NUP155: variants seen among roughly 807,000 people sequenced by gnomAD.
The protein encoded by NUP155 is nucleoporin 155, also known as nuclear pore complex protein Nup155.
A neutral mutation model predicts 180.4 loss-of-function variants in NUP155; 71 were observed. That is an observed-to-expected ratio of 0.39 (90% CI 0.33 to 0.48). The LOEUF (loss-of-function observed/expected upper bound fraction) is 0.48, where lower values mean the gene tolerates loss of function less well. Ranked by LOEUF, NUP155 falls within the 20% of genes least tolerant of loss-of-function variation. The probability of loss-of-function intolerance (pLI) is 0.91; values close to 1 mark genes in which losing one functional copy is unlikely to be tolerated. For synonymous variants in NUP155, 582 were observed against 559.5 expected (o/e 1.04, Z -0.57); for missense variants, 1,553 against 1,648.9 (o/e 0.94, Z 1.01).
Position 37,303,389 on chromosome 5 carries a change from T to C in NUP155, c.3188A>G (p.His1063Arg). ...LQVASPFLEP[H>R]LVRMAKVDQN... ...ATCAACTTTGGCCATTCGGACTAGA[T>C]GTGGCTCCAGAAATGGAGAAGCAAC... The change falls in exon 28 of 35, where the codon CAT becomes CGT. Residue 1063 changes from histidine (H) to arginine (R), a missense_variant. His to Arg is a conservative substitution (Grantham distance 29). Transcript: ENST00000231498. 1.2e-6 allele frequency: 2 copies of C among 1,614,160 alleles called. No homozygotes were observed. Among genetic ancestry groups the C allele is most frequent in the Non-Finnish European group, 1.7e-6 (2 of 1,180,000 alleles).
intron 17 of NUP155, 109 bp from the exon 18 acceptor site, chr5:37,327,885 A>G: frequency 8.0e-7 from 1 of 1,245,736 alleles, no homozygotes; most frequent in Non-Finnish European, 1.1e-6. Flanking sequence ...GAACCCATAA[A>G]ATTCAGAATT....
intron 17 of NUP155, 122 bp from the exon 18 acceptor site, chr5:37,327,898 C>T (rs1744707705): frequency 9.2e-7 from 1 of 1,087,368 alleles, no homozygotes; most frequent in Admixed American, 2.2e-5. Flanking sequence ...TCAGAATTCT[C>T]ATAACCCAAG....
intron 17 of NUP155, among the ~76,000 whole-genome samples, 190 bp downstream of exon 17, chr5:37,328,168 A>C (rs1035915366): frequency 6.6e-6 from 1 of 152,230 alleles, no homozygotes; most frequent in Non-Finnish European, 1.5e-5. Context: ...CAGGCTTATT[A>C]TAAGAGGAGT....
rs1469683685 is a variant in NUP155 at position 37,301,443 on chromosome 5, T to G, written c.3555A>C (p.Ile1185=). ...TCACTTGCTTTTTTATTACCTTAGT[T>G]ATGTCCATCAGCTCAGAATCCAGCT... is the stretch of plus-strand genomic sequence containing the variant. The part of the protein sequence containing the change: ...VSQLDSELMD[I]TKLYGEFADP... Residue 1185 remains isoleucine, a synonymous_variant, in exon 30 of 35, where the codon ATA becomes ATC. Transcript: ENST00000231498. The G allele has an allele frequency of 6.2e-7, 1 of 1,603,364 alleles. No homozygotes were observed. Among genetic ancestry groups the G allele is most frequent in the East Asian group, 2.2e-5 (1 of 44,798 alleles).
chr5:37,303,003 A>T (rs1742948526), intron 28 of NUP155, 95 bp from the exon 29 acceptor site: 1 of 1,348,334 alleles, frequency 7.4e-7, no homozygotes, highest in Admixed American at 1.8e-5. Flanking sequence ...TACCAAACAC[A>T]CATAAAAAGC....
chr5:37,361,126 A>G (rs551081541), intron 3 of NUP155, among the ~76,000 whole-genome samples: 9 of 151,668 alleles, frequency 5.9e-5, no homozygotes, highest in Non-Finnish European at 1.3e-4. Flanking sequence ...AAAATTAGCC[A>G]GGTGTGGTGG....
intron 3 of NUP155, among the ~76,000 whole-genome samples, chr5:37,363,187 T>C (rs752497248): frequency 2.1e-4 from 32 of 152,136 alleles, no homozygotes; most frequent in African/African-American, 1.9e-4. Context: ...GCTGGGATTA[T>C]AGGCGTTTGA....
rs187148614 is a variant in NUP155 at position 37,302,319 on chromosome 5, G to A, written c.3447+460C>T. ...GCAATCTCAGCTCACTGCAACCTCC[G>A]CTTCCTGGGTTCAAGCAATTCTCCT... is the stretch of plus-strand genomic sequence containing the variant. On this transcript the variant is annotated intron_variant, in intron 29 of 34. Coordinates refer to ENST00000231498, the MANE Select transcript of NUP155 (RefSeq NM_153485.3). Among the ~76,000 whole-genome samples the A allele has an allele frequency of 9.1e-3, 1,388 of 152,230 alleles. 23 individuals are homozygous for A. The highest frequency in any genetic ancestry group is 0.01 in the Non-Finnish European group (698 of 68,020).
chr5:37,336,816 C>T (rs1200407005), intron 12 of NUP155, among the ~76,000 whole-genome samples: 1 of 152,128 alleles, frequency 6.6e-6, no homozygotes, highest in Non-Finnish European at 1.5e-5. Flanking sequence ...TACTCCCATC[C>T]CTGGGAGTTC....
intron 21 of NUP155, among the ~76,000 whole-genome samples, chr5:37,317,556 A>G (rs1743974564): frequency 6.6e-6 from 1 of 152,190 alleles, no homozygotes; most frequent in South Asian, 2.1e-4. Flanking sequence ...ACCACAATAA[A>G]AAAAACATAA....
intron 10 of NUP155, among the ~76,000 whole-genome samples, chr5:37,341,518 C>T (rs1581185549): frequency 6.6e-6 from 1 of 152,152 alleles, no homozygotes; most frequent in African/African-American, 2.4e-5. Context: ...TGTGCCACCA[C>T]ACCCGTCTAA....
chr5:37,304,672 T>C, intron 27 of NUP155, 67 bp downstream of exon 27: 1 of 1,113,006 alleles, frequency 9.0e-7, no homozygotes. Context: ...CATCTATATA[T>C]GTGCTTAAAT....
In NUP155 at chr5:37,334,322, C is replaced by T. The variant is rs557231033; in HGVS notation, c.1348-689G>A. Among the ~76,000 whole-genome samples, 14 of 152,024 alleles carry T rather than the reference C, an allele frequency of 9.2e-5. No homozygotes were observed. The South Asian group carries it at 2.3e-3, about 25-fold the overall frequency. Reference sequence around the variant, plus strand: ...TTTACCATGTTGCCCAGGATGTTCTCGAACTCCTGGGCTCATGCAGTCTGC... The same window carrying T: ...TTTACCATGTTGCCCAGGATGTTCTTGAACTCCTGGGCTCATGCAGTCTGC... On this transcript the variant is annotated intron_variant, in intron 12 of 34. Coordinates refer to ENST00000231498, the MANE Select transcript of NUP155 (RefSeq NM_153485.3).
intron 4 of NUP155, 28 bp downstream of exon 4, chr5:37,358,053 A>G: frequency 6.7e-7 from 1 of 1,499,320 alleles, no homozygotes; most frequent in South Asian, 1.1e-5. Flanking sequence ...TACAAACATA[A>G]TCTCTTCCTT....
chr5:37,348,956 A>T (rs954899218), intron 8 of NUP155, among the ~76,000 whole-genome samples: 3 of 151,776 alleles, frequency 2.0e-5, no homozygotes, highest in Non-Finnish European at 4.4e-5. Flanking sequence ...GGGTTTCATC[A>T]TGTTGGCTAG....
chr5:37,363,937 C>G lies in NUP155; in HGVS notation c.343G>C (p.Ala115Pro). Residue 115 changes from alanine (A) to proline (P), a missense_variant, in exon 3 of 35, where the codon GCT becomes CCT. Transcript: ENST00000231498. ...MMGVFPPISR[A>P]WLTIDSDIFM... ...ATATCACTGTCAATTGTGAGCCAAGCTCTGCTGATAGGAGGGAACACACCC... is the reference window on the plus strand; with the variant it reads ...ATATCACTGTCAATTGTGAGCCAAGGTCTGCTGATAGGAGGGAACACACCC... 6.2e-7 allele frequency: 1 copy of G among 1,614,020 alleles called. No homozygotes were observed. Among genetic ancestry groups the G allele is most frequent in the Non-Finnish European group, 8.5e-7 (1 of 1,179,890 alleles).
chr5:37,330,933 A>C (rs1487522969), intron 14 of NUP155, among the ~76,000 whole-genome samples: 16 of 151,470 alleles, frequency 1.1e-4, no homozygotes, highest in Admixed American at 9.2e-4. Flanking sequence ...GTGGATCATG[A>C]GGTCAGGAGA....
At chr5:37,334,107 G>GTT (rs528866736) in intron 12 of NUP155, among the ~76,000 whole-genome samples, 2 of 142,840 alleles carry the variant, frequency 1.4e-5, no homozygotes, top group East Asian at 2.0e-4. Flanking sequence ...GGCCTCTGGG[G>GTT]TTTTTTTTTT....
Position 37,288,464 on chromosome 5 carries a change from C to T in NUP155, c.*3436G>A, listed in dbSNP as rs1379823926. The T allele has an allele frequency of 1.3e-5, 2 of 152,140 alleles. No homozygotes were observed. Among genetic ancestry groups the T allele is most frequent in the Non-Finnish European group, 2.9e-5 (2 of 68,036 alleles). The allele number at this position is 152,140 out of a possible 1,614,324, so 9.4% of individuals were successfully genotyped here. On this transcript the variant is annotated 3_prime_UTR_variant, in exon 35 of 35. Transcript: ENST00000231498. ...AGTTAGTCAAGATAGCTTTCTCTTT[C>T]CTAACCGTTTTGCCATACTACAATG...
Sources: gnomAD v4.1 joint callset for allele counts (sites outside exome capture counted in the v4.1 genomes callset) on GRCh38, gnomAD v4.1.1 for gene constraint, MANE v1.5 for transcripts, NCBI Gene and HGNC (gene_info 2026-07-23, HGNC 2026-07-21) for gene names.